The following VPS35L variants were observed in gnomAD, a reference collection of about 807,000 sequenced individuals.
VPS35L encodes VPS35 endosomal protein-sorting factor-like.
VPS35L carries 83 observed loss-of-function variants against 133.0 expected under a neutral mutation model. That is an observed-to-expected ratio of 0.62 (90% CI 0.52 to 0.75). The LOEUF is 0.75. Ranked by LOEUF, VPS35L falls within the 30% of genes least tolerant of loss-of-function variation. The pLI, the probability that VPS35L is intolerant of heterozygous loss-of-function variation, is 0.00. For synonymous variants in VPS35L, 423 were observed against 449.9 expected, an observed-to-expected ratio of 0.94 and a Z score of 0.76; for missense variants, 1,083 against 1,206.8, an observed-to-expected ratio of 0.90 and a Z score of 1.52.
At chr16:19,588,579 A>C (rs1349687707) in intron 7 of VPS35L, among the ~76,000 whole-genome samples, 1 of 151,744 alleles carries the variant, frequency 6.6e-6, no homozygotes, top group Admixed American at 6.6e-5. Flanking sequence ...TTCTGTATGA[A>C]TTTTAGGATC....
chr16:19,574,332 A>G (rs1018782416), intron 4 of VPS35L, among the ~76,000 whole-genome samples: 1 of 152,082 alleles, frequency 6.6e-6, no homozygotes, highest in Non-Finnish European at 1.5e-5. Context: ...GCCCCCTCCC[A>G]TTTAGGAAGA....
At chr16:19,578,214 A>G in intron 5 of VPS35L, 1 of 446,274 alleles carries the variant, frequency 2.2e-6, no homozygotes, top group Non-Finnish European at 4.4e-6. Context: ...GACTCTTAAA[A>G]CCTAAAACAT....
intron 26 of VPS35L, among the ~76,000 whole-genome samples, chr16:19,665,198 C>T (rs1319095160): frequency 6.6e-6 from 1 of 152,196 alleles, no homozygotes; most frequent in Non-Finnish European, 1.5e-5. Flanking sequence ...TATATTCTTT[C>T]AGTTATTTTT....
At chr16:19,620,477 TC>T (rs1177869031) in intron 14 of VPS35L, among the ~76,000 whole-genome samples, 37 of 152,320 alleles carry the variant, frequency 2.4e-4, no homozygotes, top group African/African-American at 8.7e-4. Flanking sequence ...AGGACTTCTC[TC>T]TACTGTTTTT....
At chr16:19,652,152 G>A in intron 26 of VPS35L, 62 bp downstream of exon 26, 1 of 1,083,452 alleles carries the variant, frequency 9.2e-7, no homozygotes, top group East Asian at 2.6e-5. Context: ...TGACTCAGGT[G>A]TGTGCGTATG....
In VPS35L at chr16:19,608,258, G is replaced by A. The variant is rs768511694; in HGVS notation, c.865G>A (p.Glu289Lys). 6.2e-7 allele frequency: 1 copy of A among 1,601,090 alleles called. No homozygotes were observed. The highest frequency in any genetic ancestry group is 8.5e-7 in the Non-Finnish European group (1 of 1,169,746). ...GTTTTTCAAGATTGCCTCCATCAGG[G>A]AACTCATTCCAAGATTGTATCCTTT... ...NWFFKIASIR[E>K]LIPRFYVEAS... The change falls in exon 10 of 31, where the codon GAA becomes AAA. Residue 289 changes from glutamate (E) to lysine (K), a missense_variant. Transcript: ENST00000417362.
intron 11 of VPS35L, 59 bp from the exon 12 acceptor site, chr16:19,610,263 T>A: frequency 7.1e-7 from 1 of 1,407,158 alleles, no homozygotes; most frequent in Non-Finnish European, 9.9e-7. Flanking sequence ...ATTTAAAAAA[T>A]TAAAGAACAG....
At chr16:19,576,178 A>C (rs1473656944) in intron 5 of VPS35L, among the ~76,000 whole-genome samples, 5 of 138,698 alleles carry the variant, frequency 3.6e-5, no homozygotes, top group African/African-American at 5.9e-5. Flanking sequence ...AAAAAAAAAA[A>C]AACAAAAAAA....
At chr16:19,589,965 G>A (rs1385338192) in intron 7 of VPS35L, among the ~76,000 whole-genome samples, 2 of 152,154 alleles carry the variant, frequency 1.3e-5, no homozygotes, top group Non-Finnish European at 2.9e-5. Context: ...GAGATTTGGA[G>A]TTGTTAGCTT....
At chr16:19,560,513 A>G (rs1171326310) in intron 1 of VPS35L, among the ~76,000 whole-genome samples, 2 of 152,152 alleles carry the variant, frequency 1.3e-5, no homozygotes, top group Non-Finnish European at 2.9e-5. Context: ...GAGTCATTTG[A>G]GGCTGGGCGT....
chr16:19,675,980 G>A lies in VPS35L; in HGVS notation c.2362-6245G>A, dbSNP rs997153950. On this transcript the variant is annotated intron_variant, in intron 27 of 30. Coordinates refer to ENST00000417362, the MANE Select transcript of VPS35L (RefSeq NM_020314.7). ...AGAAAAGATAGGAACTACCAGGCAC[G>A]GCTGCTCATACCTGTAATCCCAGCA... 9.2e-5 allele frequency among the ~76,000 whole-genome samples: 14 copies of A among 152,026 alleles called. No homozygotes were observed. The South Asian group carries it at 1.2e-3, about 14-fold the overall frequency.
At chr16:19,615,695 G>A (rs1025579902) in intron 12 of VPS35L, among the ~76,000 whole-genome samples, 2 of 151,142 alleles carry the variant, frequency 1.3e-5, no homozygotes, top group East Asian at 2.0e-4. Context: ...TAGGCCGGGC[G>A]CTGTGGCTCA....
At chr16:19,609,085 T>G in intron 11 of VPS35L, 64 bp downstream of exon 11, 2 of 1,357,858 alleles carry the variant, frequency 1.5e-6, no homozygotes, top group African/African-American at 1.4e-5. Context: ...TGTACACAGA[T>G]AGTAATGGCA....
At chr16:19,555,970 C>T (rs1317052637) in intron 1 of VPS35L, among the ~76,000 whole-genome samples, 1 of 152,314 alleles carries the variant, frequency 6.6e-6, no homozygotes, top group East Asian at 1.9e-4. Context: ...TGCTGCCTCT[C>T]TGCGCCTTCC....
chr16:19,696,124 T>C (rs531037733), intron 29 of VPS35L, among the ~76,000 whole-genome samples: 1 of 152,272 alleles, frequency 6.6e-6, no homozygotes, highest in East Asian at 1.9e-4. Context: ...GACCTCATGA[T>C]GCGCCCGCCT....
At chr16:19,664,675 C>T (rs538499031) in intron 26 of VPS35L, among the ~76,000 whole-genome samples, 19 of 151,998 alleles carry the variant, frequency 1.3e-4, no homozygotes, top group East Asian at 7.8e-4. Flanking sequence ...CCAAGGCAAC[C>T]GGATCACCTG....
At chr16:19,652,489 A>C (rs1974165225) in intron 26 of VPS35L, 1 of 160,532 alleles carries the variant, frequency 6.2e-6, no homozygotes, top group African/African-American at 2.4e-5. Flanking sequence ...CAACCAAGAG[A>C]GATTCCTTTA....
chr16:19,648,781 T>A (rs986871214), intron 24 of VPS35L, among the ~76,000 whole-genome samples: 11 of 149,010 alleles, frequency 7.4e-5, no homozygotes, highest in Non-Finnish European at 1.6e-4. Flanking sequence ...GGCAGAAGAA[T>A]CGCTTAAATC....
chr16:19,573,272 AC>A, intron 4 of VPS35L, 31 bp downstream of exon 4: 1 of 1,596,578 alleles, frequency 6.3e-7, no homozygotes, highest in Non-Finnish European at 8.5e-7. Context: ...TCCAGAGTCT[AC>A]TTTGGAGTTA....
Sources: allele counts gnomAD v4.1 joint callset (sites outside exome capture counted in the v4.1 genomes callset), GRCh38; gene constraint gnomAD v4.1.1; transcripts MANE v1.5; gene names NCBI Gene and HGNC (gene_info 2026-07-23, HGNC 2026-07-21).